The following CECR2 variants were observed in gnomAD, a reference collection of about 807,000 sequenced individuals.
CECR2 encodes the protein CECR2 histone acetyl-lysine reader, also known as chromatin remodeling regulator CECR2.
CECR2 carries 30 observed loss-of-function variants against 154.5 expected under a neutral mutation model. That is an observed-to-expected ratio of 0.19 (90% confidence interval 0.15 to 0.26). CECR2 has a LOEUF of 0.26. CECR2 is among the 10% of genes least tolerant of loss of function. CECR2 has a pLI of 1.00. For synonymous variants in CECR2, 725 were observed against 683.7 expected, an observed-to-expected ratio of 1.06 and a Z score of -0.94; for missense variants, 1,743 against 1,829.3, an observed-to-expected ratio of 0.95 and a Z score of 0.86.
chr22:17,462,866 C>T (rs1357548784), intron 1 of CECR2, among the ~76,000 whole-genome samples: 4 of 152,134 alleles, frequency 2.6e-5, no homozygotes, highest in African/African-American at 9.7e-5. Context: ...GAGCCAAGAT[C>T]GTGTCACTGC....
At chr22:17,537,315 T>C in intron 10 of CECR2, 83 bp downstream of exon 10, 2 of 1,506,804 alleles carry the variant, frequency 1.3e-6, no homozygotes, top group South Asian at 1.2e-5. Context: ...ATGTCATCCT[T>C]AGAACAGCCC....
At chr22:17,368,095 G>C (rs1569034382), upstream of CECR2, among the ~76,000 whole-genome samples, 1 of 152,126 alleles carries the variant, frequency 6.6e-6, no homozygotes, top group Non-Finnish European at 1.5e-5. Context: ...CACAGAAGAT[G>C]CACGTGAATA....
intron 7 of CECR2, among the ~76,000 whole-genome samples, chr22:17,511,089 A>G (rs539162617): frequency 6.6e-6 from 1 of 152,298 alleles, no homozygotes; most frequent in South Asian, 2.1e-4. Context: ...AAGTCACGGA[A>G]GTTATGTTAT....
rs1418033595 is a variant in CECR2 at position 17,542,417 on chromosome 22, T to C, written c.2274T>C (p.His758=). ...FPESSEIPPS[H]MYRSYKYLNR... ...AAAGCTCAGAAATTCCTCCCAGCCA[T>C]ATGTATCGATCGTACAAGTACCTGA... The change falls in exon 16 of 19, where the codon CAT becomes CAC. Residue 758 remains histidine (H), a synonymous_variant. Coordinates refer to ENST00000262608, the MANE Select transcript of CECR2 (RefSeq NM_001290047.2). 6.2e-7 allele frequency: 1 copy of C among 1,613,914 alleles called. No homozygotes were observed. The highest frequency in any genetic ancestry group is 8.5e-7 in the Non-Finnish European group (1 of 1,179,884).
chr22:17,373,732 T>C (rs2063086624), intron 1 of CECR2, among the ~76,000 whole-genome samples: 1 of 152,214 alleles, frequency 6.6e-6, no homozygotes, highest in Non-Finnish European at 1.5e-5. Flanking sequence ...CAGTAGTTGA[T>C]ATCATTAAGC....
At chr22:17,449,651 G>A (rs537605481) in intron 1 of CECR2, among the ~76,000 whole-genome samples, 30 of 151,726 alleles carry the variant, frequency 2.0e-4, no homozygotes, top group Non-Finnish European at 4.1e-4. Flanking sequence ...CACCACGCCC[G>A]GCTAATTTTT....
chr22:17,412,666 C>T (rs1274213862), intron 1 of CECR2, among the ~76,000 whole-genome samples: 4 of 152,120 alleles, frequency 2.6e-5, no homozygotes, highest in Admixed American at 2.0e-4. Context: ...ATTAGGACTT[C>T]GGAGGCTGAG....
chr22:17,539,249 G>C, intron 13 of CECR2, 130 bp downstream of exon 13: 2 of 1,057,276 alleles, frequency 1.9e-6, no homozygotes, highest in Non-Finnish European at 2.7e-6. Context: ...AAAGTCATGG[G>C]ATTGACCATT....
upstream of CECR2, among the ~76,000 whole-genome samples, chr22:17,368,543 T>C (rs2063016611): frequency 6.6e-6 from 1 of 152,148 alleles, no homozygotes; most frequent in South Asian, 2.1e-4. Flanking sequence ...CTACAGCAGT[T>C]AGCATTTCTA....
At chr22:17,551,094 C>A (rs1426020365) in intron 17 of CECR2, among the ~76,000 whole-genome samples, 1 of 152,172 alleles carries the variant, frequency 6.6e-6, no homozygotes, top group African/African-American at 2.4e-5. Flanking sequence ...TCTCTAAATA[C>A]CTGTTTTCTT....
rs984542394 is a variant in CECR2, at chr22:17,496,264, G to A, written c.222-1139G>A. Among the ~76,000 whole-genome samples, 10 of 152,086 alleles carry A rather than the reference G, an allele frequency of 6.6e-5. No homozygotes were observed. In the East Asian group the frequency reaches 1.4e-3, roughly 21 times the overall value. On this transcript the variant is annotated intron_variant, in intron 2 of 18. Coordinates refer to ENST00000262608, the MANE Select transcript of CECR2 (RefSeq NM_001290047.2). ...TGTAATCCCAGCACTTTGTGAGGACGAGGCGGGTGGATCACGAGGTCAGGA... is the reference window on the plus strand; with the variant it reads ...TGTAATCCCAGCACTTTGTGAGGACAAGGCGGGTGGATCACGAGGTCAGGA...
chr22:17,392,932 C>T (rs551306987), intron 1 of CECR2, among the ~76,000 whole-genome samples: 2 of 152,096 alleles, frequency 1.3e-5, no homozygotes, highest in South Asian at 2.1e-4. Context: ...TCCAGCTACT[C>T]GTGAGGCTGA....
intron 1 of CECR2, among the ~76,000 whole-genome samples, chr22:17,429,044 C>T (rs2054378427): frequency 2.0e-5 from 3 of 152,052 alleles, no homozygotes; most frequent in South Asian, 4.2e-4. Context: ...CCTAGGAGAA[C>T]ATGTAAATGC....
chr22:17,441,607 C>CA (rs199638111), intron 1 of CECR2, among the ~76,000 whole-genome samples: 1 of 140,100 alleles, frequency 7.1e-6, no homozygotes, highest in African/African-American at 3.0e-5. Flanking sequence ...GACCCCACCC[C>CA]CCGTTACTTG....
intron 9 of CECR2, among the ~76,000 whole-genome samples, chr22:17,536,163 G>A (rs796592853): frequency 9.2e-5 from 14 of 152,272 alleles, no homozygotes; most frequent in African/African-American, 3.1e-4. Flanking sequence ...CAGGGGAATC[G>A]CTTGAACCCA....
intron 7 of CECR2, among the ~76,000 whole-genome samples, chr22:17,510,295 G>A (rs1324130066): frequency 6.6e-6 from 1 of 152,076 alleles, no homozygotes; most frequent in Non-Finnish European, 1.5e-5. Context: ...AGTTTTTACT[G>A]TACTTAAAGT....
chr22:17,518,134 T>G (rs1230034587), intron 8 of CECR2, among the ~76,000 whole-genome samples: 1 of 151,236 alleles, frequency 6.6e-6, no homozygotes, highest in Admixed American at 6.6e-5. Flanking sequence ...TCTCTTCTAC[T>G]TCCTTTCTAC....
In CECR2 at chr22:17,397,078, G is replaced by T. The variant is rs561676034; in HGVS notation, c.126+27169G>T. ...ATACAGTGTTACATACAATGCATGG[G>T]ACATTCTCCACAGTGAAGAATTTGC... is the stretch of plus-strand genomic sequence containing the variant. On this transcript the variant is annotated intron_variant, in intron 1 of 18. Transcript: ENST00000262608. Among the ~76,000 whole-genome samples, 13 of 152,128 alleles carry T rather than the reference G, an allele frequency of 8.5e-5. No homozygotes were observed. In the East Asian group the frequency reaches 2.3e-3, roughly 27 times the overall value.
chr22:17,410,435 CG>C (rs1569063822), intron 1 of CECR2, among the ~76,000 whole-genome samples: 5 of 151,678 alleles, frequency 3.3e-5, no homozygotes, highest in African/African-American at 1.2e-4. Context: ...TAAAAACAAG[CG>C]TTTTTTTGTT....
Sources: allele counts gnomAD v4.1 joint callset (sites outside exome capture counted in the v4.1 genomes callset), GRCh38; gene constraint gnomAD v4.1.1; transcripts MANE v1.5; gene names NCBI Gene and HGNC (gene_info 2026-07-23, HGNC 2026-07-21).